Variants in SLC30A8 observed in about 807,000 individuals in gnomAD.
SLC30A8 encodes proton-coupled zinc antiporter SLC30A8.
SLC30A8 carries 27 observed loss-of-function variants against 36.9 expected under a neutral mutation model. That is an observed-to-expected ratio of 0.73 (90% confidence interval 0.54 to 1.01). SLC30A8 has a LOEUF of 1.01. SLC30A8 is among the 50% of genes least tolerant of loss of function. The pLI is 0.00. For synonymous variants in SLC30A8, 164 were observed against 172.4 expected, an observed-to-expected ratio of 0.95 and a Z score of 0.38; for missense variants, 439 against 452.0, an observed-to-expected ratio of 0.97 and a Z score of 0.26.
chr8:117,012,972 C>G (rs947990601), intron 1 of SLC30A8, among the ~76,000 whole-genome samples: 5 of 152,036 alleles, frequency 3.3e-5, no homozygotes, highest in Non-Finnish European at 7.4e-5. Flanking sequence ...CTGCCTCATT[C>G]TAATGGGGCT....
intron 1 of SLC30A8, among the ~76,000 whole-genome samples, chr8:117,008,002 C>T (rs570407194): frequency 2.0e-5 from 3 of 152,240 alleles, no homozygotes; most frequent in African/African-American, 7.2e-5. Flanking sequence ...ATCAATTCTA[C>T]ATTCAACCTT....
chr8:116,993,514 A>G (rs569484017), intron 1 of SLC30A8, among the ~76,000 whole-genome samples: 7 of 152,176 alleles, frequency 4.6e-5, no homozygotes, highest in African/African-American at 1.7e-4. Context: ...TCATCAAGAG[A>G]AAAGACAGAC....
intron 2 of SLC30A8, among the ~76,000 whole-genome samples, chr8:117,094,961 C>G (rs553160369): frequency 6.6e-6 from 1 of 152,214 alleles, no homozygotes; most frequent in Non-Finnish European, 1.5e-5. Flanking sequence ...TGTGACAGCA[C>G]CTGGGTGTGG....
Position 117,016,090 on chromosome 8 carries a change from A to G in SLC30A8, c.-265-23129A>G, listed in dbSNP as rs557793742. On this transcript the variant is annotated intron_variant, in intron 1 of 10. Coordinates refer to the SLC30A8 transcript ENST00000427715. ...GCATAAGGTTACTTTCAGCCAGGTG[A>G]ATCAGTCCTGGAGAGGTCACCTAGG... 3.0e-3 allele frequency among the ~76,000 whole-genome samples: 463 copies of G among 152,298 alleles called. 3 individuals are homozygous for G. Among genetic ancestry groups the G allele is most frequent in the African/African-American group, 0.011 (446 of 41,552 alleles).
chr8:117,104,079 A>C (rs1292959136), intron 2 of SLC30A8, among the ~76,000 whole-genome samples: 1 of 152,104 alleles, frequency 6.6e-6, no homozygotes, highest in African/African-American at 2.4e-5. Context: ...TGGCTGATTG[A>C]ATGCATAAGT....
chr8:117,014,822 C>CT (rs1816460251), intron 1 of SLC30A8, among the ~76,000 whole-genome samples: 1 of 152,052 alleles, frequency 6.6e-6, no homozygotes, highest in South Asian at 2.1e-4. Flanking sequence ...AAACCCCTAA[C>CT]TTTAGTCTGT....
intron 1 of SLC30A8, among the ~76,000 whole-genome samples, chr8:117,038,653 T>A (rs1215683632): frequency 6.6e-6 from 1 of 152,168 alleles, no homozygotes; most frequent in Non-Finnish European, 1.5e-5. Context: ...GGTGGAAGTG[T>A]TAAAAGGTAT....
chr8:117,166,889 G>A (rs908717137), intron 6 of SLC30A8, among the ~76,000 whole-genome samples: 29 of 148,906 alleles, frequency 1.9e-4, no homozygotes, highest in East Asian at 1.8e-3. Flanking sequence ...TACATTTAAA[G>A]GTTTGTTCTT....
At chr8:117,080,179 C>T (rs1364564179) in intron 2 of SLC30A8, among the ~76,000 whole-genome samples, 1 of 152,050 alleles carries the variant, frequency 6.6e-6, no homozygotes, top group African/African-American at 2.4e-5. Context: ...TTCATTTTTA[C>T]TCTTGTTTTA....
rs367642594 is a variant in SLC30A8, at chr8:117,123,620, T to C, written c.-225-11660T>C. On this transcript the variant is annotated intron_variant, in intron 2 of 10. Coordinates refer to the SLC30A8 transcript ENST00000427715. ...TTTATAGCAATTACATATTTTACTTTGTCATTTTTAACAGCTTTTATGAGG... is the reference window on the plus strand; with the variant it reads ...TTTATAGCAATTACATATTTTACTTCGTCATTTTTAACAGCTTTTATGAGG... 9.2e-5 allele frequency among the ~76,000 whole-genome samples: 14 copies of C among 152,170 alleles called. No homozygotes were observed. The East Asian group carries it at 1.7e-3, about 19-fold the overall frequency.
intron 1 of SLC30A8, among the ~76,000 whole-genome samples, chr8:117,013,852 C>A (rs1325041764): frequency 6.6e-6 from 1 of 152,074 alleles, no homozygotes; most frequent in East Asian, 1.9e-4. Flanking sequence ...CAAAGCCTCT[C>A]TGTAGGTCAT....
intron 1 of SLC30A8, among the ~76,000 whole-genome samples, chr8:117,025,016 G>C (rs932889971): frequency 6.6e-6 from 1 of 152,070 alleles, no homozygotes; most frequent in Non-Finnish European, 1.5e-5. Context: ...GTCATAGGAG[G>C]ATAAGATTTG....
chr8:116,955,755 AAGAC>A (rs1345224430), intron 1 of SLC30A8, among the ~76,000 whole-genome samples: 11 of 151,988 alleles, frequency 7.2e-5, no homozygotes, highest in South Asian at 2.1e-4. Flanking sequence ...AGAAAACAAA[AAGAC>A]AGAGATGCTG....
At chr8:117,121,788 A>G (rs1004109229) in intron 2 of SLC30A8, among the ~76,000 whole-genome samples, 1 of 151,972 alleles carries the variant, frequency 6.6e-6, no homozygotes, top group Non-Finnish European at 1.5e-5. Context: ...TGTCTAAAAC[A>G]GTCAAACTGA....
intron 3 of SLC30A8, among the ~76,000 whole-genome samples, chr8:117,153,965 A>G (rs1276027528): frequency 6.6e-6 from 1 of 152,226 alleles, no homozygotes; most frequent in East Asian, 1.9e-4. Flanking sequence ...TCATAATTAT[A>G]GGGATTTCAA....
rs559303773 is a variant in SLC30A8 at position 116,964,044 on chromosome 8, C to G, written c.-266+12925C>G. 2.2e-4 allele frequency among the ~76,000 whole-genome samples: 34 copies of G among 152,274 alleles called. No homozygotes were observed. The Middle Eastern group carries it at 0.01, about 46-fold the overall frequency. The stretch of plus-strand genomic sequence containing the variant: ...GGTATTATGTACTCAGGCATTCATT[C>G]CAGTGTAGTTCACAAGGAGTTTGAT... On this transcript the variant is annotated intron_variant, in intron 1 of 10. Transcript: ENST00000427715.
chr8:117,052,453 G>A (rs1367506007), intron 2 of SLC30A8, among the ~76,000 whole-genome samples: 2 of 152,216 alleles, frequency 1.3e-5, no homozygotes, highest in East Asian at 1.9e-4. Context: ...AATGAACTAT[G>A]TTTTGTATCA....
At chr8:117,101,929 C>T (rs1819739642) in intron 2 of SLC30A8, among the ~76,000 whole-genome samples, 1 of 152,072 alleles carries the variant, frequency 6.6e-6, no homozygotes, top group Admixed American at 6.6e-5. Flanking sequence ...TAATAAACTC[C>T]CCTTTATATA....
intron 2 of SLC30A8, among the ~76,000 whole-genome samples, chr8:117,111,132 T>C (rs562175010): frequency 1.3e-5 from 2 of 152,296 alleles, no homozygotes; most frequent in South Asian, 2.1e-4. Context: ...TTGTAGGTGT[T>C]TGTAATAATA....
Sources: allele counts gnomAD v4.1 joint callset (sites outside exome capture counted in the v4.1 genomes callset), GRCh38; gene constraint gnomAD v4.1.1; transcripts MANE v1.5; gene names NCBI Gene and HGNC (gene_info 2026-07-23, HGNC 2026-07-21).